MTA3: variants seen among roughly 807,000 people sequenced by gnomAD.
MTA3 encodes metastasis associated 1 family member 3, also known as metastasis-associated protein MTA3.
A neutral mutation model predicts 83.5 loss-of-function variants in MTA3; 34 were observed. That is an observed-to-expected ratio of 0.41 (90% CI 0.31 to 0.54). The LOEUF is 0.54. Among genes scored for constraint, MTA3 ranks in the 20% least tolerant of loss-of-function variants. The probability of loss-of-function intolerance (pLI) is 0.33; values close to 1 mark genes in which losing one functional copy is unlikely to be tolerated. For synonymous variants in MTA3, 303 were observed against 252.7 expected, an observed-to-expected ratio of 1.20 and a Z score of -1.89; for missense variants, 761 against 726.4, an observed-to-expected ratio of 1.05 and a Z score of -0.55.
At chr2:42,686,867 C>A (rs960432471) in intron 9 of MTA3, among the ~76,000 whole-genome samples, 1 of 150,558 alleles carries the variant, frequency 6.6e-6, no homozygotes, top group Non-Finnish European at 1.5e-5. Context: ...ACTTGTAATC[C>A]AAGCACTTAG....
chr2:42,520,199 C>A (rs376552701), intron 2 of MTA3, among the ~76,000 whole-genome samples: 1 of 152,120 alleles, frequency 6.6e-6, no homozygotes, highest in African/African-American at 2.4e-5. Context: ...CCTTAATGCT[C>A]TGCTCCAGCC....
At chr2:42,717,906 C>T (rs752265308) in intron 14 of MTA3, among the ~76,000 whole-genome samples, 14 of 152,110 alleles carry the variant, frequency 9.2e-5, no homozygotes, top group Non-Finnish European at 1.8e-4. Context: ...TTCAATCTTA[C>T]GTTAAGACTG....
At chr2:42,586,175 G>T (rs1200793512) in intron 3 of MTA3, among the ~76,000 whole-genome samples, 2 of 151,796 alleles carry the variant, frequency 1.3e-5, no homozygotes, top group East Asian at 3.9e-4. Flanking sequence ...TGCTTGGGAG[G>T]CTGAGGCAGA....
chr2:42,710,896 TG>T (rs1351468216), intron 14 of MTA3, among the ~76,000 whole-genome samples: 5 of 151,896 alleles, frequency 3.3e-5, no homozygotes, highest in African/African-American at 1.2e-4. Context: ...CTGGCCAACA[TG>T]GTGAAGCCTC....
chr2:42,719,574 T>G (rs972814414), intron 15 of MTA3, among the ~76,000 whole-genome samples: 10 of 152,186 alleles, frequency 6.6e-5, no homozygotes, highest in Non-Finnish European at 1.5e-4. Context: ...GGGTCTCGCT[T>G]TGTTGCCCAG....
At chr2:42,739,229 C>T (rs567496434) in intron 16 of MTA3, among the ~76,000 whole-genome samples, 1 of 152,194 alleles carries the variant, frequency 6.6e-6, no homozygotes, top group East Asian at 1.9e-4. Flanking sequence ...CTCTTTTGTA[C>T]ACTGTCCCTT....
rs561834529 is a variant in MTA3, at chr2:42,710,829, AG to A, written c.1525+1734del. Among the ~76,000 whole-genome samples the A allele has an allele frequency of 6.1e-3, 923 of 152,278 alleles. 5 individuals are homozygous for A. Among genetic ancestry groups the A allele is most frequent in the Non-Finnish European group, 8.2e-3 (556 of 68,008 alleles). ...CACGGTGGCTTACGCCTGTAATCCT[AG>A]CACTTTGGGAGGCCGAAGTGGGCAG... On this transcript the variant is annotated intron_variant, in intron 14 of 16. Transcript: ENST00000405094.
intron 4 of MTA3, among the ~76,000 whole-genome samples, chr2:42,617,569 T>G (rs542023204): frequency 3.3e-5 from 5 of 152,002 alleles, no homozygotes; most frequent in African/African-American, 1.2e-4. Context: ...CCCAGCACTT[T>G]GGGAGGTCAC....
chr2:42,739,791 A>G lies in MTA3; in HGVS notation c.1760-13583A>G, dbSNP rs1668890080. ...CTAAGTCCTTTATTTTCATCTCAACATGTTCACAGCGTGTTCAGGAGTAGT... is the reference window on the plus strand; with the variant it reads ...CTAAGTCCTTTATTTTCATCTCAACGTGTTCACAGCGTGTTCAGGAGTAGT... On this transcript the variant is annotated intron_variant, in intron 16 of 16. Coordinates refer to ENST00000405094, the MANE Select transcript of MTA3 (RefSeq NM_001330442.2). Among the ~76,000 whole-genome samples the G allele has an allele frequency of 2.6e-5, 4 of 152,332 alleles. No homozygotes were observed. The South Asian group carries it at 8.3e-4, about 32-fold the overall frequency.
chr2:42,614,384 A>G (rs868705429), intron 4 of MTA3, among the ~76,000 whole-genome samples: 1 of 152,228 alleles, frequency 6.6e-6, no homozygotes, highest in Non-Finnish European at 1.5e-5. Context: ...GGCGTGAGCC[A>G]CTGCGCCCAG....
chr2:42,643,028 G>A (rs1045831878), intron 5 of MTA3, among the ~76,000 whole-genome samples: 38 of 100,020 alleles, frequency 3.8e-4, no homozygotes, highest in Admixed American at 3.8e-3. Flanking sequence ...GTCACATATT[G>A]GTGTCTCCCC....
chr2:42,688,057 C>T (rs1048754421), intron 9 of MTA3, among the ~76,000 whole-genome samples: 10 of 152,200 alleles, frequency 6.6e-5, no homozygotes, highest in Admixed American at 6.5e-4. Context: ...CAAATTGATA[C>T]AGCCACTTGG....
chr2:42,744,232 A>G (rs367773667), intron 16 of MTA3, among the ~76,000 whole-genome samples: 4 of 152,220 alleles, frequency 2.6e-5, no homozygotes, highest in Admixed American at 6.5e-5. Context: ...GACAGATCCA[A>G]TTGCATTCGG....
chr2:42,728,133 C>G (rs545531497), intron 16 of MTA3, among the ~76,000 whole-genome samples: 1 of 152,254 alleles, frequency 6.6e-6, no homozygotes, highest in Admixed American at 6.5e-5. Flanking sequence ...CCATTCTACT[C>G]TCTATCTCCA....
intron 4 of MTA3, among the ~76,000 whole-genome samples, chr2:42,627,880 G>GT (rs1220696922): frequency 6.6e-6 from 1 of 150,952 alleles, no homozygotes; most frequent in African/African-American, 2.4e-5. Context: ...TCCCTGCCAG[G>GT]TTCTTTTGTT....
chr2:42,712,668 A>G (rs921893635), intron 14 of MTA3: 2 of 152,324 alleles, frequency 1.3e-5, no homozygotes, highest in East Asian at 3.9e-4. Flanking sequence ...TCTTCATTGC[A>G]TAAAGAAACG....
intron 3 of MTA3, among the ~76,000 whole-genome samples, chr2:42,589,030 A>G (rs6738967): frequency 0.34 from 51,580 of 151,854 alleles, 8,887 homozygotes; most frequent in South Asian, 0.43. Context: ...GTGGAGGCCA[A>G]TCTTCTTAAC....
intron 16 of MTA3, among the ~76,000 whole-genome samples, chr2:42,742,408 G>C (rs376716854): frequency 6.6e-6 from 1 of 152,128 alleles, no homozygotes; most frequent in Non-Finnish European, 1.5e-5. Flanking sequence ...CAAAGTGCTA[G>C]GTTTACAGGC....
At chr2:42,564,610 A>G (rs1027680935), upstream of MTA3, among the ~76,000 whole-genome samples, 2 of 152,152 alleles carry the variant, frequency 1.3e-5, no homozygotes, top group African/African-American at 4.8e-5. Context: ...AAGTTAATGA[A>G]AGGAAAAAGA....
Sources: allele counts gnomAD v4.1 joint callset (sites outside exome capture counted in the v4.1 genomes callset), GRCh38; gene constraint gnomAD v4.1.1; transcripts MANE v1.5; gene names NCBI Gene and HGNC (gene_info 2026-07-23, HGNC 2026-07-21).